ADAMTSL1: variants seen among roughly 807,000 people sequenced by gnomAD.
The protein encoded by ADAMTSL1 is ADAMTS-like protein 1.
A neutral mutation model predicts 201.8 loss-of-function variants in ADAMTSL1; 126 were observed. The observed-to-expected ratio is 0.62, with a 90% CI of 0.54 to 0.72. ADAMTSL1 has a LOEUF of 0.72. Ranked by LOEUF, ADAMTSL1 falls within the 30% of genes least tolerant of loss-of-function variation. The pLI, the probability that ADAMTSL1 is intolerant of heterozygous loss-of-function variation, is 0.00. For missense variants in ADAMTSL1, 2,679 were observed against 2,277.8 expected (o/e 1.18, Z -3.59); for synonymous variants, 1,121 against 903.4 (o/e 1.24, Z -4.32).
chr9:17,998,446 C>G lies in ADAMTSL1; in HGVS notation c.87+91524C>G, dbSNP rs77861988. ...AGTTAAGTAATGCTAGGCTGCTGGT[C>G]GATGATACCAAGCAAAGTGAAGAAA... On this transcript the variant is annotated intron_variant, in intron 1 of 29. Coordinates refer to the ADAMTSL1 transcript ENST00000680146. Among the ~76,000 whole-genome samples the G allele has an allele frequency of 4.6e-3, 701 of 151,812 alleles. 3 individuals are homozygous for G. Among genetic ancestry groups the G allele is most frequent in the African/African-American group, 0.016 (646 of 41,402 alleles).
intron 9 of ADAMTSL1, among the ~76,000 whole-genome samples, chr9:18,671,353 G>A (rs1350310497): frequency 6.6e-6 from 1 of 152,188 alleles, no homozygotes; most frequent in Non-Finnish European, 1.5e-5. Flanking sequence ...AAATGGTGAG[G>A]TGAAGTATCA....
chr9:18,333,687 T>A (rs7860159), intron 2 of ADAMTSL1, among the ~76,000 whole-genome samples: 3,427 of 152,094 alleles, frequency 0.023, 120 homozygotes, highest in African/African-American at 0.077. Context: ...GTCAGAGAAT[T>A]CCCCAAGGAA....
At chr9:18,071,440 G>A (rs1049026747) in intron 1 of ADAMTSL1, among the ~76,000 whole-genome samples, 2 of 152,180 alleles carry the variant, frequency 1.3e-5, no homozygotes, top group Non-Finnish European at 2.9e-5. Context: ...AATAGTTAAA[G>A]GAACCGGAGT....
At chr9:18,299,272 G>A (rs777073642) in intron 2 of ADAMTSL1, among the ~76,000 whole-genome samples, 2 of 152,112 alleles carry the variant, frequency 1.3e-5, no homozygotes, top group Non-Finnish European at 2.9e-5. Context: ...TTTTTAGGTA[G>A]TTTTTACTGT....
chr9:18,286,152 G>T (rs1832986413), intron 2 of ADAMTSL1, among the ~76,000 whole-genome samples: 1 of 151,970 alleles, frequency 6.6e-6, no homozygotes, highest in African/African-American at 2.4e-5. Context: ...CAACCTTGTG[G>T]GCCAACCATG....
chr9:18,860,115 A>G (rs768004433), intron 23 of ADAMTSL1, among the ~76,000 whole-genome samples: 5 of 152,196 alleles, frequency 3.3e-5, no homozygotes, highest in Non-Finnish European at 5.9e-5. Flanking sequence ...GTGAGCTTTT[A>G]GTCTATAATG....
intron 2 of ADAMTSL1, among the ~76,000 whole-genome samples, chr9:18,409,566 G>A (rs1818346025): frequency 6.6e-6 from 1 of 151,262 alleles, no homozygotes. Context: ...ACAACAGGAA[G>A]ATATACAGGG....
chr9:18,830,438 T>A (rs934453291), intron 23 of ADAMTSL1, among the ~76,000 whole-genome samples: 7 of 152,186 alleles, frequency 4.6e-5, no homozygotes, highest in African/African-American at 1.7e-4. Flanking sequence ...GACTATACTA[T>A]TTAGACCAGC....
intron 2 of ADAMTSL1, among the ~76,000 whole-genome samples, chr9:18,307,229 C>T (rs1833945050): frequency 6.6e-6 from 1 of 151,970 alleles, no homozygotes; most frequent in South Asian, 2.1e-4. Flanking sequence ...TAGTACCAGC[C>T]ACTGCAAAAA....
At chr9:18,816,626 A>C (rs1321267273) in intron 20 of ADAMTSL1, among the ~76,000 whole-genome samples, 6 of 149,506 alleles carry the variant, frequency 4.0e-5, no homozygotes, top group African/African-American at 1.5e-4. Flanking sequence ...GTAAAACATG[A>C]TGTCGAGGAT....
At chr9:18,071,550 G>T (rs994227870) in intron 1 of ADAMTSL1, among the ~76,000 whole-genome samples, 1 of 152,186 alleles carries the variant, frequency 6.6e-6, no homozygotes, top group African/African-American at 2.4e-5. Flanking sequence ...ACAATGCTAG[G>T]AATGCTAATA....
intron 1 of ADAMTSL1, among the ~76,000 whole-genome samples, chr9:17,978,613 T>C (rs1192965354): frequency 6.6e-6 from 1 of 152,094 alleles, no homozygotes; most frequent in Admixed American, 6.6e-5. Context: ...CTGTCATAAA[T>C]TAAACTTTTA....
At chr9:18,501,826 TG>T (rs1172072227) in intron 1 of ADAMTSL1, among the ~76,000 whole-genome samples, 1 of 152,228 alleles carries the variant, frequency 6.6e-6, no homozygotes, top group East Asian at 1.9e-4. Flanking sequence ...GACTTGCTTC[TG>T]GGTTTGCATG....
At chr9:18,695,193 C>G (rs1464462249) in intron 13 of ADAMTSL1, among the ~76,000 whole-genome samples, 1 of 152,246 alleles carries the variant, frequency 6.6e-6, no homozygotes, top group Non-Finnish European at 1.5e-5. Flanking sequence ...GGGACTGCCA[C>G]AGCTCTGAAA....
intron 7 of ADAMTSL1, among the ~76,000 whole-genome samples, chr9:18,650,992 A>G (rs1293028765): frequency 6.6e-6 from 1 of 152,200 alleles, no homozygotes; most frequent in Non-Finnish European, 1.5e-5. Flanking sequence ...CTTACTTTCC[A>G]TCTTTTTGAA....
chr9:18,757,722 A>G (rs918498443), intron 16 of ADAMTSL1, among the ~76,000 whole-genome samples: 2 of 152,034 alleles, frequency 1.3e-5, no homozygotes, highest in African/African-American at 2.4e-5. Context: ...TAACTTAACA[A>G]CCACGTTACC....
intron 2 of ADAMTSL1, among the ~76,000 whole-genome samples, chr9:18,275,517 C>T (rs1832551126): frequency 6.6e-6 from 1 of 152,150 alleles, no homozygotes; most frequent in Non-Finnish European, 1.5e-5. Flanking sequence ...TTGCCCATCC[C>T]TAATCTCACC....
intron 1 of ADAMTSL1, among the ~76,000 whole-genome samples, chr9:18,486,436 G>A (rs1383773853): frequency 6.6e-6 from 1 of 152,180 alleles, no homozygotes; most frequent in Non-Finnish European, 1.5e-5. Flanking sequence ...CAGCATGGTG[G>A]CCCACACCTG....
intron 2 of ADAMTSL1, among the ~76,000 whole-genome samples, chr9:18,404,504 CTCTGAGGTGGTGCCCTG>C (rs1283416241): frequency 2.0e-5 from 3 of 152,230 alleles, no homozygotes; most frequent in African/African-American, 7.2e-5. Flanking sequence ...TCAAGTCAGC[CTCTGAGGTGGTGCCCTG>C]TAATCTTGAC....
Sources: gnomAD v4.1 joint callset for allele counts (sites outside exome capture counted in the v4.1 genomes callset) on GRCh38, gnomAD v4.1.1 for gene constraint, MANE v1.5 for transcripts, NCBI Gene and HGNC (gene_info 2026-07-23, HGNC 2026-07-21) for gene names.